CSMD3: variants seen among roughly 807,000 people sequenced by gnomAD.
CSMD3 encodes the protein CUB and sushi domain-containing protein 3.
A neutral mutation model predicts 435.2 loss-of-function variants in CSMD3; 177 were observed. That is an observed-to-expected ratio of 0.41 (90% CI 0.36 to 0.46). The LOEUF (loss-of-function observed/expected upper bound fraction) is 0.46. Ranked by LOEUF, CSMD3 falls within the 20% of genes least tolerant of loss-of-function variation. The pLI, the probability that CSMD3 is intolerant of heterozygous loss-of-function variation, is 0.34. For synonymous variants in CSMD3, 1,656 were observed against 1,520.5 expected (o/e 1.09, Z -2.07); for missense variants, 4,265 against 4,504.6 (o/e 0.95, Z 1.52).
At chr8:112,349,108 TATGAG>T (rs1224640018) in intron 40 of CSMD3, among the ~76,000 whole-genome samples, 4 of 151,156 alleles carry the variant, frequency 2.6e-5, no homozygotes, top group African/African-American at 9.9e-5. Context: ...CTAATTATGA[TATGAG>T]ATGTGTTCAT....
At chr8:112,974,488 T>C (rs749138097) in intron 7 of CSMD3, among the ~76,000 whole-genome samples, 3 of 151,880 alleles carry the variant, frequency 2.0e-5, no homozygotes, top group Non-Finnish European at 4.4e-5. Context: ...GTTTTTAACA[T>C]TTTAATATAA....
intron 11 of CSMD3, among the ~76,000 whole-genome samples, chr8:112,847,767 T>C (rs936116485): frequency 6.6e-6 from 1 of 152,126 alleles, no homozygotes; most frequent in African/African-American, 2.4e-5. Flanking sequence ...GGCAAAAGGC[T>C]ATCTCTAAAG....
chr8:112,584,251 G>A lies in CSMD3; in HGVS notation c.3885+2815C>T, dbSNP rs1050462923. Reference sequence around the variant, plus strand: ...TACATTGATGGTCATCAGATAATCTGGAGAGCTTTATAAAAATCCAAATTC... The same window carrying A: ...TACATTGATGGTCATCAGATAATCTAGAGAGCTTTATAAAAATCCAAATTC... On this transcript the variant is annotated intron_variant, in intron 23 of 70. Coordinates refer to ENST00000297405, the MANE Select transcript of CSMD3 (RefSeq NM_198123.2). 1.3e-5 allele frequency among the ~76,000 whole-genome samples: 2 copies of A among 151,688 alleles called. 1 individual carries two copies. The highest frequency in any genetic ancestry group is 2.9e-5 in the Non-Finnish European group (2 of 67,808).
At chr8:112,260,617 T>C (rs886411785) in intron 61 of CSMD3, among the ~76,000 whole-genome samples, 2 of 152,122 alleles carry the variant, frequency 1.3e-5, no homozygotes, top group Non-Finnish European at 2.9e-5. Context: ...AAACCTGCCA[T>C]ATACTCATCT....
intron 1 of CSMD3, among the ~76,000 whole-genome samples, chr8:113,394,349 T>C (rs1263056657): frequency 6.6e-6 from 1 of 152,146 alleles, no homozygotes; most frequent in Admixed American, 6.5e-5. Flanking sequence ...AATATATTTT[T>C]CATAGAAATT....
At chr8:112,493,089 A>G (rs991706292) in intron 30 of CSMD3, among the ~76,000 whole-genome samples, 8 of 152,170 alleles carry the variant, frequency 5.3e-5, no homozygotes, top group Non-Finnish European at 1.0e-4. Flanking sequence ...AAGCAGCAGC[A>G]TCATTTCTGT....
chr8:112,950,075 C>T (rs1053514691), intron 8 of CSMD3, among the ~76,000 whole-genome samples: 6 of 151,682 alleles, frequency 4.0e-5, no homozygotes, highest in Non-Finnish European at 8.8e-5. Context: ...TATCTTAATA[C>T]AGTATAAATT....
At chr8:113,158,892 T>C (rs896024479) in intron 4 of CSMD3, among the ~76,000 whole-genome samples, 39 of 152,070 alleles carry the variant, frequency 2.6e-4, no homozygotes, top group African/African-American at 9.4e-4. Flanking sequence ...TAGGGGGAAA[T>C]GTGACGGAAA....
At chr8:112,994,040 A>G (rs2085553525) in intron 6 of CSMD3, among the ~76,000 whole-genome samples, 1 of 151,786 alleles carries the variant, frequency 6.6e-6, no homozygotes, top group Non-Finnish European at 1.5e-5. Flanking sequence ...GTAGAGAGGC[A>G]ATAGTCAGAG....
In CSMD3 at chr8:112,957,321, A is replaced by C. The variant is rs533878763; in HGVS notation, c.1343-2560T>G. On this transcript the variant is annotated intron_variant, in intron 7 of 70. Transcript: ENST00000297405. ...GCATGTAAAATTTATTGTAGAGTTA[A>C]TGTTAAAATAAATTATGGTATTTTA... Among the ~76,000 whole-genome samples the C allele has an allele frequency of 1.8e-4, 27 of 152,312 alleles. 1 individual carries two copies. In the South Asian group the frequency reaches 5.6e-3, roughly 32 times the overall value.
At chr8:113,037,186 T>C (rs1331371368) in intron 5 of CSMD3, among the ~76,000 whole-genome samples, 1 of 152,126 alleles carries the variant, frequency 6.6e-6, no homozygotes, top group Non-Finnish European at 1.5e-5. Context: ...AGCATTACAA[T>C]TTGTAGTGAC....
At chr8:112,618,974 G>A (rs191458008) in intron 22 of CSMD3, among the ~76,000 whole-genome samples, 2 of 151,852 alleles carry the variant, frequency 1.3e-5, no homozygotes, top group Non-Finnish European at 2.9e-5. Context: ...CTTATAAATT[G>A]CATGACATTT....
At chr8:112,770,103 ATCT>A (rs933814756) in intron 13 of CSMD3, among the ~76,000 whole-genome samples, 5 of 152,124 alleles carry the variant, frequency 3.3e-5, no homozygotes, top group East Asian at 3.9e-4. Context: ...TGTCTTATTA[ATCT>A]TCTTTTATTT....
intron 5 of CSMD3, among the ~76,000 whole-genome samples, chr8:113,042,128 G>T (rs72683869): frequency 1.3e-5 from 2 of 151,912 alleles, no homozygotes; most frequent in Non-Finnish European, 2.9e-5. Context: ...GCTTCATTTT[G>T]TATGTTTTTG....
intron 13 of CSMD3, among the ~76,000 whole-genome samples, chr8:112,791,324 A>AGGG (rs1563964306): frequency 3.5e-4 from 52 of 147,896 alleles, no homozygotes; most frequent in African/African-American, 1.2e-3. Context: ...CCTGTGAAAA[A>AGGG]AAAAAAAAAA....
chr8:113,221,249 C>T lies in CSMD3; in HGVS notation c.515-47333G>A, dbSNP rs558409703. On this transcript the variant is annotated intron_variant, in intron 3 of 70. Coordinates refer to ENST00000297405, the MANE Select transcript of CSMD3 (RefSeq NM_198123.2). ...TTGAAAACTGTACTCTGATAATGTA[C>T]GAAAATGTCCCTAAGAAAATTCATC... is the stretch of plus-strand genomic sequence containing the variant. Among the ~76,000 whole-genome samples the T allele has an allele frequency of 5.3e-5, 8 of 150,792 alleles. No homozygotes were observed. The East Asian group carries it at 9.8e-4, about 19-fold the overall frequency.
intron 2 of CSMD3, among the ~76,000 whole-genome samples, chr8:113,284,671 C>T (rs950616746): frequency 1.4e-4 from 22 of 152,142 alleles, no homozygotes; most frequent in African/African-American, 5.1e-4. Context: ...TTCACTTGGA[C>T]TTAACATGTT....
intron 3 of CSMD3, among the ~76,000 whole-genome samples, chr8:113,175,460 T>C (rs1173842691): frequency 2.6e-5 from 4 of 151,924 alleles, no homozygotes; most frequent in South Asian, 4.1e-4. Flanking sequence ...ATTCTAAACT[T>C]AAATTTGTAA....
At chr8:113,150,477 A>T (rs967851079) in intron 4 of CSMD3, among the ~76,000 whole-genome samples, 1 of 151,974 alleles carries the variant, frequency 6.6e-6, no homozygotes, top group African/African-American at 2.4e-5. Context: ...CCGAATTCTG[A>T]CAATCAATAA....
Sources: gnomAD v4.1 joint callset for allele counts (sites outside exome capture counted in the v4.1 genomes callset) on GRCh38, gnomAD v4.1.1 for gene constraint, MANE v1.5 for transcripts, NCBI Gene and HGNC (gene_info 2026-07-23, HGNC 2026-07-21) for gene names.